Variants in MAPK10 observed in about 807,000 individuals in gnomAD.
MAPK10 encodes JNK3 alpha protein kinase.
Under a neutral mutation model 59.3 loss-of-function variants are expected in MAPK10, and 25 were observed. That is an observed-to-expected ratio of 0.42 (90% CI 0.31 to 0.59). MAPK10 has a LOEUF of 0.59. Ranked by LOEUF, MAPK10 falls within the 20% of genes least tolerant of loss-of-function variation. The probability of loss-of-function intolerance (pLI) is 0.15; values close to 1 mark genes in which losing one functional copy is unlikely to be tolerated. For synonymous variants in MAPK10, 190 were observed against 200.5 expected (o/e 0.95, Z 0.44); for missense variants, 351 against 568.9 (o/e 0.62, Z 3.90).
chr4:86,164,587 TAGATA>T (rs1431828800), intron 3 of MAPK10: 1 of 151,148 alleles, frequency 6.6e-6, no homozygotes, highest in Non-Finnish European at 1.5e-5. Context: ...AAACAGGCAG[TAGATA>T]AGATATTTTT....
chr4:86,305,339 CTGTTT>C (rs2095547794), intron 2 of MAPK10, among the ~76,000 whole-genome samples: 2 of 152,148 alleles, frequency 1.3e-5, no homozygotes, highest in Non-Finnish European at 2.9e-5. Context: ...GCAATTCTTA[CTGTTT>C]TGTTTTAAGG....
chr4:86,104,477 T>G (rs1324953602), intron 5 of MAPK10, among the ~76,000 whole-genome samples: 1 of 152,166 alleles, frequency 6.6e-6, no homozygotes, highest in East Asian at 1.9e-4. Context: ...AAAATGACTA[T>G]GAAGTACACC....
chr4:86,587,606 A>T (rs1231033051), intron 1 of MAPK10, among the ~76,000 whole-genome samples: 1 of 152,242 alleles, frequency 6.6e-6, no homozygotes, highest in African/African-American at 2.4e-5. Context: ...TAAGCAAGAA[A>T]GGATAATATG....
chr4:86,395,122 G>C (rs921586839), intron 1 of MAPK10, among the ~76,000 whole-genome samples: 6 of 152,074 alleles, frequency 3.9e-5, no homozygotes, highest in African/African-American at 1.4e-4. Context: ...AAGCTATTTG[G>C]GGCCAAAGGG....
chr4:86,315,023 T>C (rs916713877), intron 2 of MAPK10, among the ~76,000 whole-genome samples: 2 of 152,194 alleles, frequency 1.3e-5, no homozygotes, highest in African/African-American at 4.8e-5. Context: ...CTAATGCTTA[T>C]AATTTTTGCT....
chr4:86,367,202 A>C (rs1329631409), intron 1 of MAPK10, among the ~76,000 whole-genome samples: 1 of 152,188 alleles, frequency 6.6e-6, no homozygotes, highest in Non-Finnish European at 1.5e-5. Context: ...GATAAAAAGC[A>C]AGCAAAATTA....
At chr4:86,294,904 A>G (rs1193945579) in intron 2 of MAPK10, among the ~76,000 whole-genome samples, 1 of 152,140 alleles carries the variant, frequency 6.6e-6, no homozygotes, top group Non-Finnish European at 1.5e-5. Context: ...TTTGGAAAGA[A>G]CCTCCTGAAG....
chr4:86,423,321 G>A (rs1353765998), intron 1 of MAPK10, among the ~76,000 whole-genome samples: 1 of 152,020 alleles, frequency 6.6e-6, no homozygotes, highest in Non-Finnish European at 1.5e-5. Flanking sequence ...TAAAATGCTG[G>A]CACATCAATA....
chr4:86,310,941 T>C (rs1189460068), intron 2 of MAPK10, among the ~76,000 whole-genome samples: 1 of 151,822 alleles, frequency 6.6e-6, no homozygotes, highest in Non-Finnish European at 1.5e-5. Context: ...GTTATATAGG[T>C]TTCCTGTAAG....
chr4:86,052,231 C>A (rs369064066), intron 11 of MAPK10, among the ~76,000 whole-genome samples: 1 of 151,884 alleles, frequency 6.6e-6, no homozygotes, highest in Non-Finnish European at 1.5e-5. Flanking sequence ...TAAAATTACC[C>A]GAAGACAATA....
chr4:86,115,048 T>A (rs796100770), intron 4 of MAPK10, among the ~76,000 whole-genome samples: 21 of 152,312 alleles, frequency 1.4e-4, no homozygotes, highest in Admixed American at 5.9e-4. Context: ...CAACTGGAGT[T>A]GCAGTGATGG....
chr4:86,513,812 AGAT>A (rs1756458166), intron 1 of MAPK10, among the ~76,000 whole-genome samples: 2 of 152,176 alleles, frequency 1.3e-5, no homozygotes, highest in African/African-American at 4.8e-5. Context: ...ACGCACTTTG[AGAT>A]GATAACAAAG....
chr4:86,320,553 A>C (rs1348581634), intron 2 of MAPK10, among the ~76,000 whole-genome samples: 1 of 152,238 alleles, frequency 6.6e-6, no homozygotes, highest in African/African-American at 2.4e-5. Flanking sequence ...GATTCTGGAT[A>C]TTAGCCCTTT....
chr4:86,426,934 T>C (rs1340242968), intron 1 of MAPK10, among the ~76,000 whole-genome samples: 1 of 152,082 alleles, frequency 6.6e-6, no homozygotes, highest in East Asian at 1.9e-4. Context: ...TTTTTATCTT[T>C]TCGACTCTAT....
chr4:86,474,384 T>A (rs1752898900), intron 1 of MAPK10, among the ~76,000 whole-genome samples: 1 of 152,150 alleles, frequency 6.6e-6, no homozygotes, highest in Non-Finnish European at 1.5e-5. Context: ...ATACATGGCT[T>A]TAAAAAAAAT....
intron 2 of MAPK10, among the ~76,000 whole-genome samples, chr4:86,348,681 ATT>A (rs1729557009): frequency 6.6e-6 from 1 of 152,120 alleles, no homozygotes; most frequent in Non-Finnish European, 1.5e-5. Flanking sequence ...TAAAAAAAAA[ATT>A]TATGTGCAGT....
intron 11 of MAPK10, among the ~76,000 whole-genome samples, chr4:86,051,359 C>A (rs1001007157): frequency 4.7e-5 from 7 of 150,296 alleles, no homozygotes; most frequent in African/African-American, 1.7e-4. Flanking sequence ...GGGCCTAAGT[C>A]ATGGATCTAC....
intron 1 of MAPK10, among the ~76,000 whole-genome samples, chr4:86,589,644 T>G (rs1441597856): frequency 9.3e-5 from 14 of 150,200 alleles, no homozygotes; most frequent in African/African-American, 3.2e-4. Flanking sequence ...ATTGCGCCAT[T>G]GCACTCCAGC....
intron 1 of MAPK10, among the ~76,000 whole-genome samples, chr4:86,367,807 G>A (rs964439747): frequency 6.6e-6 from 1 of 151,958 alleles, no homozygotes; most frequent in African/African-American, 2.4e-5. Context: ...TGACCTTGCT[G>A]CAGGAACACA....
Sources: gnomAD v4.1 joint callset for allele counts (sites outside exome capture counted in the v4.1 genomes callset) on GRCh38, gnomAD v4.1.1 for gene constraint, MANE v1.5 for transcripts, NCBI Gene and HGNC (gene_info 2026-07-23, HGNC 2026-07-21) for gene names.